The following PPP3CA variants were observed in gnomAD, a reference collection of about 807,000 sequenced individuals.
PPP3CA encodes the protein protein phosphatase 3 catalytic subunit alpha.
A neutral mutation model predicts 66.5 loss-of-function variants in PPP3CA; 14 were observed. The observed-to-expected ratio is 0.21, with a 90% CI of 0.14 to 0.33. The LOEUF (loss-of-function observed/expected upper bound fraction) is 0.33, where lower values mean the gene tolerates loss of function less well. Among genes scored for constraint, PPP3CA ranks in the 10% least tolerant of loss-of-function variants. The pLI is 1.00. For missense variants in PPP3CA, 317 were observed against 639.5 expected, an observed-to-expected ratio of 0.50 and a Z score of 5.44; for synonymous variants, 232 against 226.2, an observed-to-expected ratio of 1.03 and a Z score of -0.23.
Position 101,093,777 on chromosome 4 carries a change from T to C in PPP3CA, c.781A>G (p.Ser261Gly). Residue 261 changes from serine (S) to glycine (G), a missense_variant and splice_region_variant, in exon 6 of 14, where the codon AGT becomes GGT. By Grantham distance (56) the Ser-to-Gly change is moderately conservative. Coordinates refer to ENST00000394854, the MANE Select transcript of PPP3CA (RefSeq NM_000944.5). Reference sequence around the variant, plus strand: ...AGAGAGCAAGTTCTCTATTCTTACCTGTAGAAGTATGAACACCCCCTGACT... The same window carrying C: ...AGAGAGCAAGTTCTCTATTCTTACCCGTAGAAGTATGAACACCCCCTGACT... ...NTVRGCSYFY[S>G]YPAVCEFLQH... is the part of the protein sequence containing the mutation. The C allele has an allele frequency of 1.2e-6, 2 of 1,606,174 alleles. No individual in the cohort carries two copies. The highest frequency in any genetic ancestry group is 1.7e-6 in the Non-Finnish European group (2 of 1,176,128).
chr4:101,146,302 T>C (rs1045853435), intron 2 of PPP3CA, among the ~76,000 whole-genome samples: 1 of 152,244 alleles, frequency 6.6e-6, no homozygotes, highest in Non-Finnish European at 1.5e-5. Context: ...AACAGGGTAA[T>C]GGATGTGCTA....
intron 1 of PPP3CA, among the ~76,000 whole-genome samples, chr4:101,253,425 CCTT>C (rs1726740415): frequency 6.6e-6 from 1 of 152,048 alleles, no homozygotes; most frequent in Admixed American, 6.6e-5. Flanking sequence ...CTAAGAGTCA[CCTT>C]CTTTCTTGAA....
At chr4:101,165,709 C>G (rs1301756368) in intron 2 of PPP3CA, among the ~76,000 whole-genome samples, 1 of 152,044 alleles carries the variant, frequency 6.6e-6, no homozygotes, top group African/African-American at 2.4e-5. Context: ...CACAAAGCAG[C>G]CTTTTATGAA....
chr4:101,059,893 C>T (rs72929308), intron 10 of PPP3CA, among the ~76,000 whole-genome samples: 3,575 of 152,154 alleles, frequency 0.023, 155 homozygotes, highest in African/African-American at 0.081. Context: ...ATACTTTAAT[C>T]TCCAGACTAC....
At chr4:101,149,896 A>G (rs1317411062) in intron 2 of PPP3CA, among the ~76,000 whole-genome samples, 1 of 152,140 alleles carries the variant, frequency 6.6e-6, no homozygotes, top group African/African-American at 2.4e-5. Context: ...AAAACTTCAC[A>G]ATAATCCTAC....
chr4:101,283,157 T>A (rs17031121), intron 1 of PPP3CA, among the ~76,000 whole-genome samples: 3,228 of 152,284 alleles, frequency 0.021, 100 homozygotes, highest in African/African-American at 0.074. Context: ...AAATAAAAAT[T>A]TACGGGAAAG....
At chr4:101,101,069 A>G (rs997521666) in intron 3 of PPP3CA, among the ~76,000 whole-genome samples, 8 of 152,162 alleles carry the variant, frequency 5.3e-5, no homozygotes, top group Admixed American at 1.3e-4. Flanking sequence ...ATTGAAATAA[A>G]CAATAGGTTG....
chr4:101,043,595 C>T (rs1727628668), intron 10 of PPP3CA, among the ~76,000 whole-genome samples: 1 of 151,668 alleles, frequency 6.6e-6, no homozygotes, highest in African/African-American at 2.4e-5. Context: ...AATTTCTCGG[C>T]CGGGCGCAGT....
intron 11 of PPP3CA, among the ~76,000 whole-genome samples, chr4:101,037,345 G>A (rs1050640003): frequency 6.6e-6 from 1 of 152,206 alleles, no homozygotes; most frequent in African/African-American, 2.4e-5. Context: ...CAACAGACTT[G>A]TATTTTATCT....
At chr4:101,093,999 G>A in intron 5 of PPP3CA, 84 bp from the exon 6 acceptor site, 2 of 1,280,928 alleles carry the variant, frequency 1.6e-6, no homozygotes, top group Non-Finnish European at 1.0e-6. Context: ...GCACTGTGCA[G>A]AACCCATCCT....
chr4:101,324,139 G>GGGAGGGAGGGA (rs1560717791), intron 1 of PPP3CA, among the ~76,000 whole-genome samples: 1 of 122,842 alleles, frequency 8.1e-6, no homozygotes, highest in Admixed American at 8.3e-5. Flanking sequence ...AGGGAAGGAA[G>GGGAGGGAGGGA]GGAAGGAAGG....
chr4:101,126,512 G>C (rs2110278745), intron 2 of PPP3CA, among the ~76,000 whole-genome samples: 1 of 152,090 alleles, frequency 6.6e-6, no homozygotes, highest in South Asian at 2.1e-4. Context: ...AGAGATTATT[G>C]CTTCTCACTT....
chr4:101,200,811 G>A (rs1724945192), intron 1 of PPP3CA, among the ~76,000 whole-genome samples: 1 of 152,106 alleles, frequency 6.6e-6, no homozygotes, highest in Non-Finnish European at 1.5e-5. Flanking sequence ...TCCAGAGAGA[G>A]GATGAGTGAA....
At chr4:101,209,349 A>G (rs938610654) in intron 1 of PPP3CA, among the ~76,000 whole-genome samples, 1 of 152,328 alleles carries the variant, frequency 6.6e-6, no homozygotes, top group East Asian at 1.9e-4. Flanking sequence ...AGGTATTGGC[A>G]ATACTTATTC....
At chr4:101,179,173 G>C (rs767989787) in intron 2 of PPP3CA, among the ~76,000 whole-genome samples, 9 of 151,944 alleles carry the variant, frequency 5.9e-5, no homozygotes, top group Admixed American at 2.6e-4. Context: ...GAAAACAAAA[G>C]AGGTGTCCAG....
chr4:101,147,412 T>C (rs1218751760), intron 2 of PPP3CA, among the ~76,000 whole-genome samples: 6 of 152,172 alleles, frequency 3.9e-5, no homozygotes, highest in Non-Finnish European at 5.9e-5. Flanking sequence ...CTTGCTGTCA[T>C]GTATGATCAA....
chr4:101,306,554 T>A (rs1390552777), intron 1 of PPP3CA, among the ~76,000 whole-genome samples: 1 of 151,862 alleles, frequency 6.6e-6, no homozygotes, highest in Non-Finnish European at 1.5e-5. Flanking sequence ...TAAACAAATA[T>A]GGGCTGTACA....
chr4:101,346,168 C>T (rs1459353742), intron 1 of PPP3CA, among the ~76,000 whole-genome samples: 1 of 151,848 alleles, frequency 6.6e-6, no homozygotes, highest in Non-Finnish European at 1.5e-5. Context: ...CTCGCGAGTC[C>T]TGTGCAGGCC....
chr4:101,322,503 C>T (rs1729071519), intron 1 of PPP3CA, among the ~76,000 whole-genome samples: 3 of 151,456 alleles, frequency 2.0e-5, no homozygotes, highest in South Asian at 4.2e-4. Context: ...CTCTGCCTCC[C>T]GGGTTCAAGC....
Sources: allele counts gnomAD v4.1 joint callset (sites outside exome capture counted in the v4.1 genomes callset), GRCh38; gene constraint gnomAD v4.1.1; transcripts MANE v1.5; gene names NCBI Gene and HGNC (gene_info 2026-07-23, HGNC 2026-07-21).